BRINP1: variants seen among roughly 807,000 people sequenced by gnomAD.
BRINP1 encodes the protein BMP/retinoic acid-inducible neural-specific protein 1.
Under a neutral mutation model 72.9 loss-of-function variants are expected in BRINP1, and 17 were observed. That is an observed-to-expected ratio of 0.23 (90% confidence interval 0.16 to 0.35). The LOEUF is 0.35. BRINP1 is among the 10% of genes least tolerant of loss of function. The pLI is 1.00. For missense variants in BRINP1, 850 were observed against 1,001.6 expected (o/e 0.85, Z 2.04); for synonymous variants, 418 against 378.5 (o/e 1.10, Z -1.21).
intron 1 of BRINP1, 83 bp from the exon 2 acceptor site, chr9:119,313,488 A>C: frequency 3.1e-6 from 4 of 1,292,846 alleles, no homozygotes; most frequent in Non-Finnish European, 4.1e-6. Flanking sequence ...GTAAAAGAAA[A>C]AGACACAGGA....
chr9:119,264,144 G>A (rs1200408122), intron 2 of BRINP1, among the ~76,000 whole-genome samples: 2 of 152,180 alleles, frequency 1.3e-5, no homozygotes, highest in Non-Finnish European at 2.9e-5. Flanking sequence ...CGTAGGCAGA[G>A]GTGGCAATTA....
chr9:119,291,439 C>A (rs1441799086), intron 2 of BRINP1, among the ~76,000 whole-genome samples: 1 of 152,200 alleles, frequency 6.6e-6, no homozygotes, highest in African/African-American at 2.4e-5. Context: ...CCACTCAGTT[C>A]TATCCAGGTG....
chr9:119,311,668 C>A (rs985868150), intron 2 of BRINP1, among the ~76,000 whole-genome samples: 2 of 152,172 alleles, frequency 1.3e-5, no homozygotes. Context: ...AAGACCAGTG[C>A]GTGAAGAACT....
Position 119,167,991 on chromosome 9 carries a change from C to A in BRINP1, c.1379G>T (p.Arg460Leu), listed in dbSNP as rs751091448. 8.1e-6 allele frequency: 13 copies of A among 1,614,064 alleles called. No individual in the cohort carries two copies. Among genetic ancestry groups the A allele is most frequent in the African/African-American group, 1.3e-5 (1 of 74,928 alleles). ...CGAGTCCACGTTCTGTGGTTCACAG[C>A]GGCCTCGATACAGCTTGTAGCCCTT... ...CNKGYKLYRG[R>L]CEPQNVDSER... The change falls in exon 8 of 8, where the codon CGC (arginine) becomes CTC (leucine). Residue 460 changes from arginine (R) to leucine (L), a missense_variant. Coordinates refer to ENST00000265922, the MANE Select transcript of BRINP1 (RefSeq NM_014618.3). The surrounding 1 kb of genome is among the most constrained non-coding windows in gnomAD (Gnocchi z 4.3).
chr9:119,346,617 A>G (rs1333177018), intron 1 of BRINP1, among the ~76,000 whole-genome samples: 1 of 152,220 alleles, frequency 6.6e-6, no homozygotes, highest in Non-Finnish European at 1.5e-5. Flanking sequence ...AAAGGTACGT[A>G]CATGAAAAAA....
intron 2 of BRINP1, among the ~76,000 whole-genome samples, chr9:119,260,999 C>A (rs551251923): frequency 8.5e-5 from 13 of 152,050 alleles, no homozygotes; most frequent in Non-Finnish European, 1.3e-4. Flanking sequence ...TAATTGACAG[C>A]AATTATTAAA....
intron 2 of BRINP1, among the ~76,000 whole-genome samples, chr9:119,307,541 A>G (rs2118989629): frequency 6.6e-6 from 1 of 152,232 alleles, no homozygotes; most frequent in Admixed American, 6.5e-5. Context: ...TTCCATCACA[A>G]ACCAGGAGGT....
intron 5 of BRINP1, among the ~76,000 whole-genome samples, chr9:119,228,612 AG>A (rs1355865417): frequency 6.6e-6 from 1 of 152,064 alleles, no homozygotes; most frequent in Non-Finnish European, 1.5e-5. Flanking sequence ...ATGGTTCCTG[AG>A]GACTATGTAG....
intron 1 of BRINP1, among the ~76,000 whole-genome samples, chr9:119,361,623 TTTTTTG>T (rs1831631809): frequency 6.6e-6 from 1 of 151,700 alleles, no homozygotes; most frequent in African/African-American, 2.4e-5. Context: ...TCTTCTTCTT[TTTTTTG>T]TTTTTTTTTC....
At chr9:119,343,309 G>A (rs972980009) in intron 1 of BRINP1, among the ~76,000 whole-genome samples, 33 of 152,226 alleles carry the variant, frequency 2.2e-4, no homozygotes, top group African/African-American at 5.5e-4. Context: ...AAGAACAACC[G>A]ATTAAAAACA....
intron 2 of BRINP1, among the ~76,000 whole-genome samples, chr9:119,300,475 T>C (rs1056187101): frequency 3.3e-5 from 5 of 152,186 alleles, no homozygotes; most frequent in Non-Finnish European, 5.9e-5. Context: ...AAATATCTCA[T>C]GTAACCCATA....
At chr9:119,252,836 A>C (rs576887413) in intron 2 of BRINP1, among the ~76,000 whole-genome samples, 10 of 152,162 alleles carry the variant, frequency 6.6e-5, no homozygotes, top group Non-Finnish European at 1.5e-4. Context: ...CCACCACCAA[A>C]TTACAAGGCA....
chr9:119,171,259 T>C (rs1387071998), intron 7 of BRINP1, among the ~76,000 whole-genome samples: 2 of 146,360 alleles, frequency 1.4e-5, no homozygotes, highest in South Asian at 2.3e-4. Context: ...GAGACACACA[T>C]AGGCTCAAAA....
chr9:119,238,478 A>C (rs1830213335), intron 5 of BRINP1, among the ~76,000 whole-genome samples, 177 bp downstream of exon 5: 1 of 152,200 alleles, frequency 6.6e-6, no homozygotes, highest in Admixed American at 6.5e-5. Context: ...AATTCTAAAT[A>C]TATATGTATA....
chr9:119,301,656 A>C (rs983680426), intron 2 of BRINP1, among the ~76,000 whole-genome samples: 1 of 152,220 alleles, frequency 6.6e-6, no homozygotes, highest in African/African-American at 2.4e-5. Flanking sequence ...AGAACTATAC[A>C]CACTCTGTGT....
chr9:119,268,710 C>T (rs1441892102), intron 2 of BRINP1, among the ~76,000 whole-genome samples: 2 of 152,212 alleles, frequency 1.3e-5, no homozygotes, highest in Non-Finnish European at 2.9e-5. Flanking sequence ...TATTCGACTA[C>T]AATACAAACT....
At position 119,289,080 on chromosome 9, in the gene BRINP1, G is replaced by A. The variant is rs139472745; in HGVS notation, c.218+24058C>T. 7.1e-3 allele frequency among the ~76,000 whole-genome samples: 1,085 copies of A among 152,318 alleles called. 42 individuals are homozygous for A. The highest frequency in any genetic ancestry group is 0.057 in the Admixed American group (873 of 15,290). On this transcript the variant is annotated intron_variant, in intron 2 of 7. Transcript: ENST00000265922. ...CTCCCAAAGTGCTGGGGTTACAGGC[G>A]TGAGCCACCACACCCGGCCCATTTA...
chr9:119,212,554 A>G (rs527999591), intron 6 of BRINP1, among the ~76,000 whole-genome samples: 13 of 152,344 alleles, frequency 8.5e-5, no homozygotes, highest in African/African-American at 3.1e-4. Flanking sequence ...TAGGGAAAAC[A>G]CTGGGTCTTG....
intron 5 of BRINP1, among the ~76,000 whole-genome samples, chr9:119,224,313 T>C (rs1588169495): frequency 6.6e-6 from 1 of 152,086 alleles, no homozygotes; most frequent in African/African-American, 2.4e-5. Flanking sequence ...TTGTACAGGA[T>C]TGAACCTGAA....
Sources: gnomAD v4.1 joint callset for allele counts (sites outside exome capture counted in the v4.1 genomes callset) on GRCh38, gnomAD v4.1.1 for gene constraint, Gnocchi (gnomAD v3.1) non-coding constraint, MANE v1.5 for transcripts, NCBI Gene and HGNC (gene_info 2026-07-23, HGNC 2026-07-21) for gene names.